The following IGHMBP2 variants were observed in gnomAD, a reference collection of about 807,000 sequenced individuals.
The protein encoded by IGHMBP2 is DNA-binding protein SMUBP-2.
In IGHMBP2, 81 loss-of-function variants were observed where a neutral mutation model predicts 96.0. The ratio of observed to expected loss-of-function variants is 0.84; its 90% CI spans 0.71 to 1.01. IGHMBP2 has a LOEUF of 1.01. IGHMBP2 is among the 50% of genes least tolerant of loss of function. The pLI is 0.00. For synonymous variants in IGHMBP2, 557 were observed against 548.9 expected, an observed-to-expected ratio of 1.01 and a Z score of -0.21; for missense variants, 1,227 against 1,306.3, an observed-to-expected ratio of 0.94 and a Z score of 0.94.
intron 7 of IGHMBP2, among the ~76,000 whole-genome samples, chr11:68,918,791 C>A (rs759004795): frequency 6.6e-6 from 1 of 152,110 alleles, no homozygotes; most frequent in African/African-American, 2.4e-5. Flanking sequence ...CAGGTGGACC[C>A]ACCGCGCCCG....
Position 68,933,454 on chromosome 11 carries a change from A to C in IGHMBP2, c.1391A>C (p.His464Pro). Residue 464 changes from histidine to proline, a missense_variant, in exon 9 of 15, where the codon CAC becomes CCC. Physicochemically the swap from His to Pro is moderately conservative, Grantham distance 77. This residue lies in a region of IGHMBP2 where 703 missense variants were observed against 770.3 expected (regional missense o/e 0.91). Transcript: ENST00000255078. ...DTMYLGQLTA[H>P]SSVARHLLRD... ...ATGTACCTTGGGCAGCTCACAGCCC[A>C]CTCTTCCGTGGCAAGGCACCTCCTG... 1 of 1,612,522 alleles carries C rather than the reference A, an allele frequency of 6.2e-7. No individual in the cohort carries two copies. Among genetic ancestry groups the C allele is most frequent in the Non-Finnish European group, 8.5e-7 (1 of 1,179,736 alleles).
chr11:68,911,744 G>C, intron 5 of IGHMBP2, 141 bp downstream of exon 5: 1 of 826,548 alleles, frequency 1.2e-6, no homozygotes. Flanking sequence ...TTGAGCCTTG[G>C]ACTGCCCCTG....
intron 4 of IGHMBP2, among the ~76,000 whole-genome samples, 155 bp from the exon 5 acceptor site, chr11:68,911,285 G>A (rs951474722): frequency 1.3e-5 from 2 of 152,166 alleles, no homozygotes; most frequent in Admixed American, 6.5e-5. Context: ...TGAAAATAAA[G>A]CAGACTTAAT....
In IGHMBP2 at chr11:68,911,536, C is replaced by T; in HGVS notation, c.644C>T (p.Pro215Leu). The T allele has an allele frequency of 1.2e-6, 2 of 1,614,098 alleles. No individual in the cohort carries two copies. Among genetic ancestry groups the T allele is most frequent in the South Asian group, 1.1e-5 (1 of 91,090 alleles). Residue 215 changes from proline to leucine, a missense_variant, in exon 5 of 15, where the codon CCT becomes CTT. Pro to Leu is a moderately conservative substitution (Grantham distance 98, BLOSUM62 -3). This residue lies in a region of IGHMBP2 where 507 missense variants were observed against 496.9 expected (regional missense o/e 1.02). Transcript: ENST00000255078. The part of the protein sequence containing the change: ...SQKELAIIHG[P>L]PGTGKTTTVV... ...AAAGAACTTGCCATCATCCATGGACCTCCTGGCACTGGGAAAACCACGACT... is the reference window on the plus strand; with the variant it reads ...AAAGAACTTGCCATCATCCATGGACTTCCTGGCACTGGGAAAACCACGACT...
intron 4 of IGHMBP2, among the ~76,000 whole-genome samples, chr11:68,908,934 G>C (rs532083169): frequency 6.7e-6 from 1 of 148,908 alleles, no homozygotes; most frequent in Non-Finnish European, 1.5e-5. Context: ...TCCGCCTCCC[G>C]GGTTCAAGTG....
rs568476595 is a variant in IGHMBP2 at position 68,927,673 on chromosome 11, A to T, written c.1061-1510A>T. 1.2e-3 allele frequency among the ~76,000 whole-genome samples: 181 copies of T among 152,334 alleles called. 1 individual carries two copies. Among genetic ancestry groups the T allele is most frequent in the African/African-American group, 3.7e-3 (152 of 41,568 alleles). On this transcript the variant is annotated intron_variant, in intron 7 of 14. Transcript: ENST00000255078. ...TTATTCTCTGTCTTAGAAAACTGTGATGTTCAACAATTACCTCTGATTGTT... is the reference window on the plus strand; with the variant it reads ...TTATTCTCTGTCTTAGAAAACTGTGTTGTTCAACAATTACCTCTGATTGTT...
rs2236654 is a variant in IGHMBP2 at position 68,936,560 on chromosome 11, C to T, written c.2080C>T (p.Arg694Trp). The T allele has an allele frequency of 0.22, 356,947 of 1,611,560 alleles. 42,150 individuals are homozygous for T. Among genetic ancestry groups the T allele is most frequent in the Non-Finnish European group, 0.25 (292,408 of 1,178,740 alleles). ...GGCTGCAGCACCTGCCAGACAGGGC[C>T]GGAAGAAGCCGGCTGGGAAGTCTCT... ...QEAAAPARQG[R>W]KKPAGKSLAS... Residue 694 changes from arginine (R) to tryptophan (W), a missense_variant, in exon 13 of 15, where the codon CGG (arginine) becomes TGG (tryptophan). Around this residue, in one of 3 missense-constraint regions of IGHMBP2, gnomAD observed 703 missense variants for 770.3 expected, o/e 0.91. Coordinates refer to ENST00000255078, the MANE Select transcript of IGHMBP2 (RefSeq NM_002180.3).
intron 4 of IGHMBP2, among the ~76,000 whole-genome samples, chr11:68,909,661 T>A (rs1477316035): frequency 2.7e-5 from 4 of 150,194 alleles, no homozygotes; most frequent in Non-Finnish European, 3.0e-5. Flanking sequence ...GGAGACTTGC[T>A]CTGTCACCAA....
At chr11:68,908,375 C>T (rs1195105172) in intron 3 of IGHMBP2, 38 bp downstream of exon 3, 2 of 1,579,882 alleles carry the variant, frequency 1.3e-6, no homozygotes, top group African/African-American at 1.3e-5. Context: ...GTACCATCTT[C>T]CTTCAACACA....
chr11:68,929,635 G>A lies in IGHMBP2; in HGVS notation c.1235+278G>A, dbSNP rs1332197311. 3 of 622,622 alleles carry A rather than the reference G, an allele frequency of 4.8e-6. No homozygotes were observed. In the East Asian group the frequency reaches 4.2e-4, roughly 87 times the overall value. 38.6% of individuals were successfully genotyped at this position (622,622 alleles called of 1,614,324 possible). A position where few individuals can be genotyped will look rare whatever the true frequency, so the allele number is the denominator to read the frequency against. Reference sequence around the variant, plus strand: ...CTGGTGTTCCGTCCCTGCTTGTTGAGTTGAATATCCCCTCATGAACCAGGC... The same window carrying A: ...CTGGTGTTCCGTCCCTGCTTGTTGAATTGAATATCCCCTCATGAACCAGGC... On this transcript the variant is annotated intron_variant, in intron 8 of 14. Coordinates refer to ENST00000255078, the MANE Select transcript of IGHMBP2 (RefSeq NM_002180.3).
intron 13 of IGHMBP2, 121 bp from the exon 14 acceptor site, chr11:68,938,061 C>T (rs947799289): frequency 2.8e-5 from 32 of 1,138,048 alleles, no homozygotes; most frequent in Non-Finnish European, 3.6e-5. Flanking sequence ...ACCTCAGCCT[C>T]CCAAAATGCT....
intron 7 of IGHMBP2, among the ~76,000 whole-genome samples, chr11:68,923,354 T>C (rs1279135000): frequency 6.6e-6 from 1 of 152,032 alleles, no homozygotes; most frequent in African/African-American, 2.4e-5. Context: ...AGGCATGCGC[T>C]ACCATGCCCG....
chr11:68,906,861 C>T (rs547404945), intron 2 of IGHMBP2, among the ~76,000 whole-genome samples: 17 of 152,058 alleles, frequency 1.1e-4, no homozygotes, highest in Non-Finnish European at 1.6e-4. Flanking sequence ...AGGCTGGTCT[C>T]GAACTCCCAA....
At chr11:68,912,903 G>T (rs1054908369) in intron 5 of IGHMBP2, among the ~76,000 whole-genome samples, 5 of 151,926 alleles carry the variant, frequency 3.3e-5, no homozygotes, top group African/African-American at 1.2e-4. Flanking sequence ...TTAGCCGGGT[G>T]TGGTGGCACA....
At chr11:68,925,508 GA>G (rs1859033569) in intron 7 of IGHMBP2, among the ~76,000 whole-genome samples, 1 of 151,928 alleles carries the variant, frequency 6.6e-6, no homozygotes, top group South Asian at 2.1e-4. Context: ...TCAGACAGGA[GA>G]AAAAAAGGGT....
At chr11:68,910,948 A>G (rs201184507) in intron 4 of IGHMBP2, among the ~76,000 whole-genome samples, 1 of 151,748 alleles carries the variant, frequency 6.6e-6, no homozygotes, top group Non-Finnish European at 1.5e-5. Flanking sequence ...TAGAAACACG[A>G]TCCTAGAATT....
chr11:68,904,667 C>T (rs1389735020), intron 1 of IGHMBP2, among the ~76,000 whole-genome samples: 45 of 152,124 alleles, frequency 3.0e-4, no homozygotes, highest in Non-Finnish European at 7.4e-5. Flanking sequence ...CATGTGAGAG[C>T]CGGGCTTGTT....
At chr11:68,904,282 C>T (rs1858082691) in intron 1 of IGHMBP2, among the ~76,000 whole-genome samples, 1 of 152,178 alleles carries the variant, frequency 6.6e-6, no homozygotes, top group Non-Finnish European at 1.5e-5. Context: ...CCGAGACCCC[C>T]CACTAAGCTT....
chr11:68,924,398 T>A (rs191733018), intron 7 of IGHMBP2, among the ~76,000 whole-genome samples: 1 of 152,396 alleles, frequency 6.6e-6, no homozygotes, highest in East Asian at 1.9e-4. Context: ...AACCCACGTT[T>A]ATTATTCTAC....
Sources: allele counts gnomAD v4.1 joint callset (sites outside exome capture counted in the v4.1 genomes callset), GRCh38; gene constraint gnomAD v4.1.1; regional missense constraint gnomAD v4.1.1; transcripts MANE v1.5; gene names NCBI Gene and HGNC (gene_info 2026-07-23, HGNC 2026-07-21).